Variants in SPATA13 observed in about 807,000 individuals in gnomAD.
SPATA13 encodes the protein spermatogenesis associated 13.
Under a neutral mutation model 104.0 loss-of-function variants are expected in SPATA13, and 50 were observed. The observed-to-expected ratio is 0.48, with a 90% CI of 0.38 to 0.61. SPATA13 has a LOEUF of 0.61. SPATA13 is among the 20% of genes least tolerant of loss of function. The pLI, the probability that SPATA13 is intolerant of heterozygous loss-of-function variation, is 0.00. For synonymous variants in SPATA13, 606 were observed against 667.5 expected (o/e 0.91, Z 1.42); for missense variants, 1,524 against 1,690.6 (o/e 0.90, Z 1.73).
chr13:24,032,605 A>G (rs1046348303), intron 3 of SPATA13, among the ~76,000 whole-genome samples: 3 of 152,198 alleles, frequency 2.0e-5, no homozygotes, highest in Non-Finnish European at 4.4e-5. Context: ...TTCTGCAGTA[A>G]TGGAGAGTAT....
At chr13:24,093,037 A>G (rs745481014) in intron 3 of SPATA13, among the ~76,000 whole-genome samples, 5 of 152,364 alleles carry the variant, frequency 3.3e-5, no homozygotes, top group South Asian at 2.1e-4. Context: ...CTGGTAAAAC[A>G]ATGGGCACGA....
At chr13:24,232,120 A>C (rs1469029684) in intron 2 of SPATA13, among the ~76,000 whole-genome samples, 1 of 152,244 alleles carries the variant, frequency 6.6e-6, no homozygotes, top group Non-Finnish European at 1.5e-5. Flanking sequence ...TGCCATCTGC[A>C]GCCTGGAGAA....
At chr13:24,204,928 T>A (rs1335738097) in intron 1 of SPATA13, among the ~76,000 whole-genome samples, 1 of 152,222 alleles carries the variant, frequency 6.6e-6, no homozygotes, top group Non-Finnish European at 1.5e-5. Context: ...TAAATATCTG[T>A]TCTGCATACA....
chr13:24,179,773 A>G (rs910087449), intron 1 of SPATA13, among the ~76,000 whole-genome samples: 25 of 152,180 alleles, frequency 1.6e-4, no homozygotes, highest in Admixed American at 1.2e-3. Context: ...GATGATGTTG[A>G]ACACCTTTTC....
chr13:24,254,374 C>T (rs1873673749), intron 4 of SPATA13: 1 of 152,206 alleles, frequency 6.6e-6, no homozygotes, highest in Non-Finnish European at 1.5e-5. Context: ...TGTGGGCCAG[C>T]CTCTCCAAAT....
At chr13:24,244,268 T>C (rs1254547326) in intron 2 of SPATA13, among the ~76,000 whole-genome samples, 1 of 152,246 alleles carries the variant, frequency 6.6e-6, no homozygotes, top group African/African-American at 2.4e-5. Context: ...ATTTTAACTT[T>C]ATTATATCTG....
At chr13:24,249,879 G>A (rs752562848) in intron 3 of SPATA13, 37 bp downstream of exon 3, 1 of 1,542,108 alleles carries the variant, frequency 6.5e-7, no homozygotes, top group African/African-American at 1.4e-5. Context: ...GCCAGCAGAG[G>A]CCCTCCAGCT....
chr13:24,173,363 TGTGTGTGTGTGTGTG>T (rs1883068488), intron 1 of SPATA13, among the ~76,000 whole-genome samples: 1 of 1,642 alleles, frequency 6.1e-4, no homozygotes, highest in Non-Finnish European at 0.014. Context: ...AGTTCTTAGT[TGTGTGTGTGTGTGTG>T]TGTGTGTGTG....
chr13:24,169,453 A>T (rs1280142538), intron 1 of SPATA13, among the ~76,000 whole-genome samples: 7 of 152,164 alleles, frequency 4.6e-5, no homozygotes, highest in Non-Finnish European at 5.9e-5. Context: ...TTTCAAAATC[A>T]GTCTGGGTTC....
chr13:23,988,204 C>T (rs1017326107), intron 2 of SPATA13, among the ~76,000 whole-genome samples: 6 of 152,212 alleles, frequency 3.9e-5, no homozygotes, highest in African/African-American at 1.2e-4. Flanking sequence ...GCCTTGGCCT[C>T]CTGAAGTGCT....
At chr13:24,241,069 A>G (rs1414687670) in intron 2 of SPATA13, among the ~76,000 whole-genome samples, 2 of 152,210 alleles carry the variant, frequency 1.3e-5, no homozygotes, top group Non-Finnish European at 2.9e-5. Context: ...TAATTAGAAA[A>G]GGTTAGCTTA....
intron 3 of SPATA13, among the ~76,000 whole-genome samples, chr13:24,063,251 G>A (rs1255672270): frequency 6.6e-6 from 1 of 152,168 alleles, no homozygotes; most frequent in African/African-American, 2.4e-5. Context: ...CACAAAGAGA[G>A]CACTCACTAG....
chr13:24,298,559 G>A (rs1021988765), intron 11 of SPATA13, among the ~76,000 whole-genome samples: 8 of 152,284 alleles, frequency 5.3e-5, no homozygotes, highest in African/African-American at 1.9e-4. Flanking sequence ...AGGGTTTTGA[G>A]CACAATCTGT....
chr13:24,124,288 C>T (rs2137827748), intron 3 of SPATA13, among the ~76,000 whole-genome samples: 2 of 152,320 alleles, frequency 1.3e-5, no homozygotes, highest in South Asian at 4.1e-4. Flanking sequence ...GAATCTCTCT[C>T]ATTCATTTCT....
At chr13:24,290,240 G>C (rs1876242027) in intron 8 of SPATA13, among the ~76,000 whole-genome samples, 1 of 152,218 alleles carries the variant, frequency 6.6e-6, no homozygotes, top group Non-Finnish European at 1.5e-5. Flanking sequence ...AGGAAAACCT[G>C]ACAAGACTAG....
chr13:24,148,890 G>A (rs201491746), intron 3 of SPATA13, among the ~76,000 whole-genome samples: 1 of 151,648 alleles, frequency 6.6e-6, no homozygotes, highest in South Asian at 2.1e-4. Flanking sequence ...AGAGCGGCTT[G>A]TTTATTATTC....
At chr13:24,153,294 C>T (rs1408224078) in intron 3 of SPATA13, among the ~76,000 whole-genome samples, 1 of 152,246 alleles carries the variant, frequency 6.6e-6, no homozygotes, top group African/African-American at 2.4e-5. Context: ...TTTCCACCTG[C>T]AGTCCTGTCT....
intron 2 of SPATA13, among the ~76,000 whole-genome samples, chr13:23,987,001 C>CTGTGTGTGTGTGTGTGTG (rs113990315): frequency 8.5e-5 from 12 of 141,520 alleles, no homozygotes; most frequent in African/African-American, 2.4e-4. Context: ...ATGGATATAT[C>CTGTGTGTGTGTGTGTGTG]TGTGTGTGTG....
chr13:24,014,674 T>G lies in SPATA13; in HGVS notation c.-146-2993T>G, dbSNP rs568547534. ...ATAGTGTATGTCTTCTCCTAAAATT[T>G]ACTATTGTTATTTAACAACTTCCTT... On this transcript the variant is annotated intron_variant, in intron 2 of 14. Transcript: ENST00000424834. Among the ~76,000 whole-genome samples, 3 of 152,354 alleles carry G rather than the reference T, an allele frequency of 2.0e-5. No homozygotes were observed. In the East Asian group the frequency reaches 5.8e-4, roughly 29 times the overall value.
Sources: allele counts gnomAD v4.1 joint callset (sites outside exome capture counted in the v4.1 genomes callset), GRCh38; gene constraint gnomAD v4.1.1; transcripts MANE v1.5; gene names NCBI Gene and HGNC (gene_info 2026-07-23, HGNC 2026-07-21).